Variants in GYPE observed in about 807,000 individuals in gnomAD.
GYPE encodes the protein glycophorin-E.
Under a neutral mutation model 11.6 loss-of-function variants are expected in GYPE, and 8 were observed. The observed-to-expected ratio is 0.69, with a 90% CI of 0.41 to 1.25. GYPE has a LOEUF of 1.25. GYPE is among the 50% of genes most tolerant of loss of function. The pLI, the probability that GYPE is intolerant of heterozygous loss-of-function variation, is 0.01. For missense variants in GYPE, 90 were observed against 92.8 expected (o/e 0.97, Z 0.12); for synonymous variants, 28 against 29.6 (o/e 0.94, Z 0.18).
At chr4:143,877,785 A>C (rs1022155941) in intron 2 of GYPE, among the ~76,000 whole-genome samples, 15 of 148,760 alleles carry the variant, frequency 1.0e-4, no homozygotes, top group South Asian at 2.2e-4. Context: ...GTGTGAAGGG[A>C]GGGTTAGAAT....
At chr4:143,882,278 C>A (rs188763777) in intron 1 of GYPE, among the ~76,000 whole-genome samples, 1 of 147,280 alleles carries the variant, frequency 6.8e-6, no homozygotes, top group Non-Finnish European at 1.5e-5. Context: ...TAAACAATAA[C>A]CTTGTGATAG....
chr4:143,905,225 A>C (rs1313188489), intron 1 of GYPE, among the ~76,000 whole-genome samples: 1 of 152,184 alleles, frequency 6.6e-6, no homozygotes, highest in African/African-American at 2.4e-5. Flanking sequence ...AATTCTAGCT[A>C]GACTTAGAAT....
chr4:143,883,040 A>T (rs1003827911), intron 1 of GYPE, among the ~76,000 whole-genome samples: 1 of 152,142 alleles, frequency 6.6e-6, no homozygotes, highest in African/African-American at 2.4e-5. Flanking sequence ...GTAATCCCCA[A>T]TGTTGGAGGT....
At chr4:143,883,532 A>G (rs1488749248) in intron 1 of GYPE, among the ~76,000 whole-genome samples, 1 of 143,254 alleles carries the variant, frequency 7.0e-6, no homozygotes, top group Non-Finnish European at 1.5e-5. Context: ...TAATAATAAC[A>G]TGTAATTAAT....
chr4:143,891,594 AG>A (rs1744408915), intron 1 of GYPE, among the ~76,000 whole-genome samples: 1 of 151,978 alleles, frequency 6.6e-6, no homozygotes, highest in South Asian at 2.1e-4. Flanking sequence ...TCCCAAAGTG[AG>A]GGGATTACAA....
chr4:143,877,465 A>C (rs1180262486), intron 2 of GYPE, among the ~76,000 whole-genome samples: 1 of 152,196 alleles, frequency 6.6e-6, no homozygotes, highest in Admixed American at 6.5e-5. Context: ...TAGTCAATAA[A>C]AATGCTTGTT....
chr4:143,905,246 T>C lies in GYPE; in HGVS notation c.37+225A>G, dbSNP rs189046770. Among the ~76,000 whole-genome samples, 20 of 152,304 alleles carry C rather than the reference T, an allele frequency of 1.3e-4. 1 individual carries two copies. The East Asian group carries it at 3.9e-3, about 29-fold the overall frequency. On this transcript the variant is annotated intron_variant, in intron 1 of 3. Transcript: ENST00000358615. ...AGCTAGACTTAGAATTGAAGTAAGCTTCTCATACTAGAAAACTGGATTCGG... is the reference window on the plus strand; with the variant it reads ...AGCTAGACTTAGAATTGAAGTAAGCCTCTCATACTAGAAAACTGGATTCGG...
At chr4:143,887,643 G>A (rs1340932619) in intron 1 of GYPE, among the ~76,000 whole-genome samples, 2 of 150,664 alleles carry the variant, frequency 1.3e-5, no homozygotes, top group Non-Finnish European at 3.0e-5. Flanking sequence ...ATGGAGAAAG[G>A]GGAGTATAAC....
At chr4:143,895,109 C>CCT (rs1303271068) in intron 1 of GYPE, among the ~76,000 whole-genome samples, 1 of 152,048 alleles carries the variant, frequency 6.6e-6, no homozygotes, top group East Asian at 1.9e-4. Flanking sequence ...ACAGGGATGC[C>CCT]CTCTCTCACC....
At chr4:143,894,528 A>T (rs1254183725) in intron 1 of GYPE, among the ~76,000 whole-genome samples, 1 of 152,046 alleles carries the variant, frequency 6.6e-6, no homozygotes. Context: ...TCCTTCTAAC[A>T]CATAGGACCC....
chr4:143,898,631 G>A (rs2149915848), intron 1 of GYPE, among the ~76,000 whole-genome samples: 1 of 152,202 alleles, frequency 6.6e-6, no homozygotes, highest in African/African-American at 2.4e-5. Flanking sequence ...TTCTCCAATT[G>A]TGATAGATCA....
intron 2 of GYPE, 41 bp downstream of exon 2, chr4:143,880,370 G>C (rs201534364): frequency 5.1e-5 from 83 of 1,613,224 alleles, no homozygotes; most frequent in Middle Eastern, 1.7e-4. Context: ...TCACAAAAAC[G>C]ATTTCGGAGC....
At chr4:143,893,634 T>C (rs1185007010) in intron 1 of GYPE, among the ~76,000 whole-genome samples, 1 of 152,206 alleles carries the variant, frequency 6.6e-6, no homozygotes, top group African/African-American at 2.4e-5. Context: ...TGTTGAATAT[T>C]GGCCCCCGCT....
At chr4:143,880,363 C>CA (rs745366358) in intron 2 of GYPE, 48 bp downstream of exon 2, 1 of 1,613,160 alleles carries the variant, frequency 6.2e-7, no homozygotes. Flanking sequence ...GGTTGCATCA[C>CA]AAAAACGATT....
At chr4:143,897,699 A>G (rs1744703250) in intron 1 of GYPE, among the ~76,000 whole-genome samples, 1 of 152,142 alleles carries the variant, frequency 6.6e-6, no homozygotes, top group African/African-American at 2.4e-5. Flanking sequence ...TCAATAGCAT[A>G]TGAAATACCT....
chr4:143,885,241 T>C (rs1744187611), intron 1 of GYPE, among the ~76,000 whole-genome samples: 1 of 152,160 alleles, frequency 6.6e-6, no homozygotes, highest in South Asian at 2.1e-4. Flanking sequence ...ATTGGCACTT[T>C]AATTATTTTA....
chr4:143,881,598 A>G (rs1420313515), intron 1 of GYPE, among the ~76,000 whole-genome samples: 1 of 152,202 alleles, frequency 6.6e-6, no homozygotes, highest in East Asian at 1.9e-4. Flanking sequence ...TCTACTTAAT[A>G]TGCCACAGAT....
intron 3 of GYPE, among the ~76,000 whole-genome samples, chr4:143,876,205 C>T (rs1743802386): frequency 2.0e-5 from 3 of 151,832 alleles, no homozygotes; most frequent in Admixed American, 2.0e-4. Flanking sequence ...CCTTTATTTC[C>T]CAGGCTGAAG....
intron 1 of GYPE, among the ~76,000 whole-genome samples, chr4:143,883,826 GA>G (rs1257323620): frequency 4.8e-5 from 7 of 146,596 alleles, no homozygotes; most frequent in Non-Finnish European, 6.0e-5. Context: ...GCTAACATAA[GA>G]AAAAAAAACA....
Sources: allele counts gnomAD v4.1 joint callset (sites outside exome capture counted in the v4.1 genomes callset), GRCh38; gene constraint gnomAD v4.1.1; transcripts MANE v1.5; gene names NCBI Gene and HGNC (gene_info 2026-07-23, HGNC 2026-07-21).